SLC7A14: variants seen among roughly 807,000 people sequenced by gnomAD.
SLC7A14 encodes the protein solute carrier family 7 member 14.
SLC7A14 carries 37 observed loss-of-function variants against 60.2 expected under a neutral mutation model. That is an observed-to-expected ratio of 0.61 (90% confidence interval 0.47 to 0.81). The LOEUF is 0.81. SLC7A14 is among the 30% of genes least tolerant of loss of function. SLC7A14 has a pLI of 0.00. For synonymous variants in SLC7A14, 399 were observed against 395.8 expected (o/e 1.01, Z -0.10); for missense variants, 886 against 982.7 (o/e 0.90, Z 1.32).
At chr3:170,537,571 A>G (rs973231157) in intron 1 of SLC7A14, among the ~76,000 whole-genome samples, 5 of 152,140 alleles carry the variant, frequency 3.3e-5, no homozygotes, top group African/African-American at 1.2e-4. Flanking sequence ...CACCTCTCTC[A>G]TCTCTCTTTT....
At chr3:170,513,251 A>G (rs1244160768) in intron 2 of SLC7A14, among the ~76,000 whole-genome samples, 5 of 152,148 alleles carry the variant, frequency 3.3e-5, no homozygotes, top group Non-Finnish European at 7.4e-5. Context: ...ATTTTGCCAC[A>G]TAAGCACTCT....
intron 1 of SLC7A14, among the ~76,000 whole-genome samples, chr3:170,543,783 T>G (rs1013960005): frequency 1.4e-5 from 2 of 147,950 alleles, no homozygotes; most frequent in African/African-American, 5.0e-5. Flanking sequence ...GGAGTCTTGC[T>G]CTGTTGCCCA....
In SLC7A14 at chr3:170,464,609, T is replaced by C. The variant is rs1432017624; in HGVS notation, c.*2446A>G. ...AGGTGATTTATCAACTTTAGAAAAATAAAGGGAGCTAAGCTTAAAATATAC... is the reference window on the plus strand; with the variant it reads ...AGGTGATTTATCAACTTTAGAAAAACAAAGGGAGCTAAGCTTAAAATATAC... On this transcript the variant is annotated 3_prime_UTR_variant, in exon 8 of 8. Coordinates refer to ENST00000231706, the MANE Select transcript of SLC7A14 (RefSeq NM_020949.3). 6.6e-6 allele frequency: 1 copy of C among 152,002 alleles called. No homozygotes were observed. The highest frequency in any genetic ancestry group is 1.5e-5 in the Non-Finnish European group (1 of 68,004). 9.4% of individuals were successfully genotyped at this position (152,002 alleles called of 1,614,324 possible).
rs566084361 is a variant in SLC7A14 at position 170,503,623 on chromosome 3, G to T, written c.305-2278C>A. 4.6e-5 allele frequency among the ~76,000 whole-genome samples: 7 copies of T among 152,214 alleles called. No individual in the cohort carries two copies. In the South Asian group the frequency reaches 1.5e-3, roughly 32 times the overall value. Reference sequence around the variant, plus strand: ...TCACCCAACTTTACCACCTGATATTGTACAAGATTTATAAGTAAAATCTTT... The same window carrying T: ...TCACCCAACTTTACCACCTGATATTTTACAAGATTTATAAGTAAAATCTTT... On this transcript the variant is annotated intron_variant, in intron 2 of 7. Coordinates refer to ENST00000231706, the MANE Select transcript of SLC7A14 (RefSeq NM_020949.3).
chr3:170,567,647 T>G (rs1479448969), intron 1 of SLC7A14, among the ~76,000 whole-genome samples: 10 of 150,564 alleles, frequency 6.6e-5, no homozygotes, highest in African/African-American at 1.2e-4. Flanking sequence ...TGTTCCTATT[T>G]CTCCACATCC....
At position 170,533,650 on chromosome 3, in the gene SLC7A14, A is replaced by AGTGTGTGTGT. The variant is rs55850380; in HGVS notation, c.-152-6572_-152-6563dup. ...GAGATGTTTTTGATCCATCTGGCCC[A>AGTGTGTGTGT]GTGTGTGTGTGTGTGTGTGTGTGTG... On this transcript the variant is annotated intron_variant, in intron 1 of 7. Transcript: ENST00000231706. Among the ~76,000 whole-genome samples the AGTGTGTGTGT allele has an allele frequency of 3.7e-3, 548 of 149,066 alleles. 6 individuals carry two copies. The highest frequency in any genetic ancestry group is 0.013 in the African/African-American group (524 of 40,870).
At chr3:170,511,281 C>T (rs893827802) in intron 2 of SLC7A14, among the ~76,000 whole-genome samples, 1 of 152,038 alleles carries the variant, frequency 6.6e-6, no homozygotes, top group African/African-American at 2.4e-5. Context: ...CCTGTAATCC[C>T]AGCTACTTGG....
At chr3:170,539,048 T>G (rs557980420) in intron 1 of SLC7A14, among the ~76,000 whole-genome samples, 1 of 152,370 alleles carries the variant, frequency 6.6e-6, no homozygotes, top group Non-Finnish European at 1.5e-5. Context: ...CTAGGATCTC[T>G]TCTTAAAGCC....
At chr3:170,572,060 CAAAAAAAAA>C (rs765897392) in intron 1 of SLC7A14, among the ~76,000 whole-genome samples, 2 of 80,710 alleles carry the variant, frequency 2.5e-5, no homozygotes, top group East Asian at 7.0e-4. Context: ...GACTCTGTCT[CAAAAAAAAA>C]AAAAAAAAAA....
At chr3:170,572,535 T>C (rs1714985977) in intron 1 of SLC7A14, among the ~76,000 whole-genome samples, 1 of 152,214 alleles carries the variant, frequency 6.6e-6, no homozygotes, top group South Asian at 2.1e-4. Context: ...TGTAAAGAGA[T>C]GATAGTACTC....
At chr3:170,534,526 C>T (rs942424851) in intron 1 of SLC7A14, among the ~76,000 whole-genome samples, 1 of 152,110 alleles carries the variant, frequency 6.6e-6, no homozygotes, top group Non-Finnish European at 1.5e-5. Context: ...GTCACTGATC[C>T]CTTACTATGC....
chr3:170,539,615 C>T (rs1031357330), intron 1 of SLC7A14, among the ~76,000 whole-genome samples: 15 of 152,170 alleles, frequency 9.9e-5, no homozygotes, highest in Non-Finnish European at 2.1e-4. Context: ...AGACTGCAAA[C>T]TCCTTGAAGG....
chr3:170,469,913 C>T (rs1044029729), intron 7 of SLC7A14, among the ~76,000 whole-genome samples: 5 of 152,290 alleles, frequency 3.3e-5, no homozygotes, highest in Middle Eastern at 3.4e-3. Context: ...ACTGGTTTGA[C>T]ATCACTCATC....
intron 2 of SLC7A14, among the ~76,000 whole-genome samples, chr3:170,513,571 T>C (rs571907581): frequency 1.3e-5 from 2 of 152,334 alleles, no homozygotes; most frequent in Admixed American, 1.3e-4. Context: ...CAAGGGACTT[T>C]TCAGGGCCAG....
At position 170,463,736 on chromosome 3, in the gene SLC7A14, A is replaced by G. The variant is rs1263697087; in HGVS notation, c.*3319T>C. On this transcript the variant is annotated 3_prime_UTR_variant, in exon 8 of 8. Coordinates refer to ENST00000231706, the MANE Select transcript of SLC7A14 (RefSeq NM_020949.3). ...TTTTTATCTGACTTACGATATCAAT[A>G]TCTGCCATAGTACATAATAGGCACT... 1.3e-5 allele frequency: 2 copies of G among 151,918 alleles called. No individual in the cohort carries two copies. The highest frequency in any genetic ancestry group is 2.1e-4 in the South Asian group (1 of 4,830). 9.4% of individuals were successfully genotyped at this position (151,918 alleles called of 1,614,324 possible). A position where few individuals can be genotyped will look rare whatever the true frequency, so the allele number is the denominator to read the frequency against.
In SLC7A14 at chr3:170,483,566, A is replaced by G. The variant is rs372415579; in HGVS notation, c.907-44T>C. The G allele has an allele frequency of 3.6e-4, 573 of 1,607,198 alleles. 3 individuals are homozygous for G. The highest frequency in any genetic ancestry group is 1.2e-4 in the Admixed American group (7 of 59,986). The stretch of plus-strand genomic sequence containing the variant: ...ACAGGGCTGGAGGTACAGGGGAAGA[A>G]CAGCATGGATAGAGGCCCCACGGGA... On this transcript the variant is annotated intron_variant, in intron 5 of 7. Coordinates refer to ENST00000231706, the MANE Select transcript of SLC7A14 (RefSeq NM_020949.3).
rs535746094 is a variant in SLC7A14 at position 170,499,008 on chromosome 3, A to G, written c.542-124T>C. Reference sequence around the variant, plus strand: ...GGGCAGTAAACTGGGAGGCCGAGGCAGGCAGATCACGAGGTCAGGAGATTG... The same window carrying G: ...GGGCAGTAAACTGGGAGGCCGAGGCGGGCAGATCACGAGGTCAGGAGATTG... On this transcript the variant is annotated intron_variant, in intron 3 of 7. Transcript: ENST00000231706. The G allele has an allele frequency of 9.9e-6, 8 of 809,320 alleles. No homozygotes were observed. The East Asian group carries it at 1.9e-4, about 19-fold the overall frequency. The allele number at this position is 809,320 out of a possible 1,614,324, so 50.1% of individuals were successfully genotyped here.
chr3:170,579,951 A>C (rs1252822414), intron 1 of SLC7A14, among the ~76,000 whole-genome samples: 2 of 152,216 alleles, frequency 1.3e-5, no homozygotes, highest in Non-Finnish European at 2.9e-5. Flanking sequence ...CACGGTTCTC[A>C]GGAGTAGTCT....
chr3:170,574,916 G>C (rs1398914219), intron 1 of SLC7A14, among the ~76,000 whole-genome samples: 1 of 152,144 alleles, frequency 6.6e-6, no homozygotes, highest in Non-Finnish European at 1.5e-5. Flanking sequence ...CACCTCTCTG[G>C]GTCTCAGTTT....
Sources: gnomAD v4.1 joint callset for allele counts (sites outside exome capture counted in the v4.1 genomes callset) on GRCh38, gnomAD v4.1.1 for gene constraint, MANE v1.5 for transcripts, NCBI Gene and HGNC (gene_info 2026-07-23, HGNC 2026-07-21) for gene names.